ROBO2: variants seen among roughly 807,000 people sequenced by gnomAD.
ROBO2 encodes roundabout homolog 2.
Under a neutral mutation model 160.8 loss-of-function variants are expected in ROBO2, and 53 were observed. The observed-to-expected ratio is 0.33, with a 90% confidence interval of 0.26 to 0.41. The LOEUF is 0.41. Ranked by LOEUF, ROBO2 falls within the 10% of genes least tolerant of loss-of-function variation. ROBO2 has a pLI of 1.00. For synonymous variants in ROBO2, 664 were observed against 611.7 expected, an observed-to-expected ratio of 1.09 and a Z score of -1.26; for missense variants, 1,577 against 1,722.4, an observed-to-expected ratio of 0.92 and a Z score of 1.49.
At chr3:75,924,034 A>G (rs1947179981) in intron 1 of ROBO2, among the ~76,000 whole-genome samples, 2 of 152,210 alleles carry the variant, frequency 1.3e-5, no homozygotes. Flanking sequence ...AAGCTTTTAA[A>G]AATAGTTTTT....
chr3:77,566,098 T>C (rs1206310780), intron 12 of ROBO2, among the ~76,000 whole-genome samples: 1 of 152,102 alleles, frequency 6.6e-6, no homozygotes, highest in African/African-American at 2.4e-5. Context: ...AAAAGCACCA[T>C]ACAGCCATAA....
rs2091869546 is a variant in ROBO2, at chr3:76,662,561, G to T, written c.110-435453G>T. ...AATAAAAATAAACATTACAGTCAAA[G>T]TGGAAGAATAAGGTAGTACTAATGC... On this transcript the variant is annotated intron_variant, in intron 2 of 26. Coordinates refer to the ROBO2 transcript ENST00000487694. 2.6e-5 allele frequency among the ~76,000 whole-genome samples: 4 copies of T among 151,922 alleles called. No individual in the cohort carries two copies. The South Asian group carries it at 8.3e-4, about 31-fold the overall frequency.
intron 2 of ROBO2, among the ~76,000 whole-genome samples, chr3:76,716,842 A>G (rs2093387877): frequency 1.3e-5 from 2 of 152,160 alleles, no homozygotes; most frequent in Non-Finnish European, 1.5e-5. Flanking sequence ...TCTGCCCCAC[A>G]TTAACTGACT....
At chr3:76,136,410 G>A (rs758491439) in intron 2 of ROBO2, among the ~76,000 whole-genome samples, 1 of 152,076 alleles carries the variant, frequency 6.6e-6, no homozygotes, top group East Asian at 1.9e-4. Flanking sequence ...TAACAAAAAT[G>A]AATGGGGAAA....
chr3:76,961,243 C>T (rs1309201055), intron 2 of ROBO2, among the ~76,000 whole-genome samples: 1 of 62,476 alleles, frequency 1.6e-5, no homozygotes, highest in African/African-American at 1.0e-4. Context: ...TAATGTGCCA[C>T]AGAGAAAAAA....
At chr3:76,562,060 C>A (rs2084214476) in intron 2 of ROBO2, among the ~76,000 whole-genome samples, 1 of 151,952 alleles carries the variant, frequency 6.6e-6, no homozygotes, top group South Asian at 2.1e-4. Context: ...ATCTCTTGAG[C>A]CTAGCATCTG....
At chr3:77,618,792 C>A (rs1282436452) in intron 22 of ROBO2, among the ~76,000 whole-genome samples, 2 of 152,114 alleles carry the variant, frequency 1.3e-5, no homozygotes, top group African/African-American at 2.4e-5. Context: ...TATTCTTGAA[C>A]ATTTTCCAAC....
chr3:76,106,217 T>C (rs1284063456), intron 2 of ROBO2, among the ~76,000 whole-genome samples: 3 of 152,136 alleles, frequency 2.0e-5, no homozygotes, highest in East Asian at 3.9e-4. Flanking sequence ...TATTTTTGTC[T>C]GGCTGTGCTG....
chr3:75,985,216 A>G (rs1324530007), intron 2 of ROBO2, among the ~76,000 whole-genome samples: 1 of 151,464 alleles, frequency 6.6e-6, no homozygotes, highest in African/African-American at 2.4e-5. Flanking sequence ...TTTTATTATC[A>G]TGGTTCTCAC....
chr3:76,361,327 A>G (rs1447324703), intron 2 of ROBO2, among the ~76,000 whole-genome samples: 3 of 152,092 alleles, frequency 2.0e-5, no homozygotes, highest in Non-Finnish European at 4.4e-5. Context: ...TGATTTCATG[A>G]TATTTAGCAC....
At chr3:76,225,469 C>G (rs1704227399) in intron 2 of ROBO2, among the ~76,000 whole-genome samples, 1 of 152,154 alleles carries the variant, frequency 6.6e-6, no homozygotes, top group Admixed American at 6.5e-5. Context: ...AATCCTAGCA[C>G]TTTGGGAAGC....
At position 75,964,655 on chromosome 3, in the gene ROBO2, TACCAAGGAAGAAAGATA is replaced by T. The variant is rs200554121; in HGVS notation, c.109+27059_109+27075del. ...AAAATATCTTTGAACATCCCTATTT[TACCAAGGAAGAAAGATA>T]ACCAAAGCACATGATTTAATAGATT... is the stretch of plus-strand genomic sequence containing the variant. On this transcript the variant is annotated intron_variant, in intron 2 of 26. Transcript: ENST00000487694. Among the ~76,000 whole-genome samples, 142 of 151,834 alleles carry T rather than the reference TACCAAGGAAGAAAGATA, an allele frequency of 9.4e-4. 1 individual carries two copies. The East Asian group carries it at 0.024, about 26-fold the overall frequency.
intron 2 of ROBO2, among the ~76,000 whole-genome samples, chr3:76,698,391 A>G (rs1311997340): frequency 6.6e-6 from 1 of 152,134 alleles, no homozygotes; most frequent in African/African-American, 2.4e-5. Context: ...GTGTTTGGTA[A>G]ATGTTTAATA....
chr3:77,149,794 T>A (rs2077401960), intron 2 of ROBO2, among the ~76,000 whole-genome samples: 1 of 122,352 alleles, frequency 8.2e-6, no homozygotes, highest in East Asian at 2.4e-4. Context: ...ATTCCTATTT[T>A]GCTTTTTTTT....
chr3:77,433,454 C>T (rs56121420), intron 2 of ROBO2, among the ~76,000 whole-genome samples: 20,776 of 138,168 alleles, frequency 0.15, 2,037 homozygotes, highest in African/African-American at 0.26. Context: ...ATGCCCTGCA[C>T]GCTAAGGATT....
At chr3:77,506,313 G>A (rs74801758) in intron 5 of ROBO2, among the ~76,000 whole-genome samples, 15 of 152,146 alleles carry the variant, frequency 9.9e-5, no homozygotes, top group Non-Finnish European at 1.9e-4. Context: ...GTGTCCCAGT[G>A]TCTCCATTGT....
chr3:76,649,326 A>G (rs963356209), intron 2 of ROBO2, among the ~76,000 whole-genome samples: 1 of 152,148 alleles, frequency 6.6e-6, no homozygotes, highest in Non-Finnish European at 1.5e-5. Context: ...TTAATACTTC[A>G]CACACTGCTA....
chr3:76,080,717 T>G (rs1185299672), intron 2 of ROBO2, among the ~76,000 whole-genome samples: 2 of 152,224 alleles, frequency 1.3e-5, no homozygotes, highest in Non-Finnish European at 2.9e-5. Context: ...GCAAATTATC[T>G]GTTAGAATTT....
chr3:76,515,759 T>A (rs2081319287), intron 2 of ROBO2, among the ~76,000 whole-genome samples: 1 of 152,180 alleles, frequency 6.6e-6, no homozygotes, highest in African/African-American at 2.4e-5. Flanking sequence ...AACCACTGAA[T>A]GGATAACCCA....
Sources: gnomAD v4.1 joint callset for allele counts (sites outside exome capture counted in the v4.1 genomes callset) on GRCh38, gnomAD v4.1.1 for gene constraint, MANE v1.5 for transcripts, NCBI Gene and HGNC (gene_info 2026-07-23, HGNC 2026-07-21) for gene names.